Variants in ERICH3 observed in about 807,000 individuals in gnomAD.
The protein encoded by ERICH3 is glutamate rich 3, also known as glutamate-rich protein 3.
A neutral mutation model predicts 131.1 loss-of-function variants in ERICH3; 126 were observed. That is an observed-to-expected ratio of 0.96 (90% CI 0.83 to 1.11). The LOEUF (loss-of-function observed/expected upper bound fraction) is 1.11. Ranked by LOEUF, ERICH3 falls within the 50% of genes most tolerant of loss-of-function variation. ERICH3 has a pLI of 0.00. For missense variants in ERICH3, 2,050 were observed against 1,810.7 expected, an observed-to-expected ratio of 1.13 and a Z score of -2.40; for synonymous variants, 695 against 644.6, an observed-to-expected ratio of 1.08 and a Z score of -1.18.
At chr1:74,619,461 T>C (rs1649119394) in intron 8 of ERICH3, among the ~76,000 whole-genome samples, 1 of 152,234 alleles carries the variant, frequency 6.6e-6, no homozygotes, top group Non-Finnish European at 1.5e-5. Flanking sequence ...TAAGTGTATG[T>C]ATCTATGCCA....
intron 1 of ERICH3, among the ~76,000 whole-genome samples, chr1:74,664,759 A>C (rs1379363903): frequency 3.3e-5 from 5 of 152,184 alleles, no homozygotes; most frequent in African/African-American, 1.2e-4. Flanking sequence ...CACCAGCTTA[A>C]AATGTTGAAT....
Position 74,599,828 on chromosome 1 carries a change from C to T in ERICH3, c.1593G>A (p.Leu531=), listed in dbSNP as rs1648039024. 6.2e-7 allele frequency: 1 copy of T among 1,612,254 alleles called. No homozygotes were observed. The highest frequency in any genetic ancestry group is 1.1e-5 in the South Asian group (1 of 91,004). ...GGTCTAAATTATCTTTTTTATCATC[C>T]AAAGGTGACTGCGGTATTCCATTCA... ...VQMNGIPQSP[L]DDKKDNLDPE... is the part of the protein sequence containing the mutation. Residue 531 remains leucine, a synonymous_variant, in exon 11 of 15, where the codon TTG becomes TTA. Transcript: ENST00000326665.
intron 10 of ERICH3, among the ~76,000 whole-genome samples, chr1:74,600,737 AAAAACTAAAAATCTTGAAGTG>A (rs1281331112): frequency 6.6e-6 from 1 of 151,856 alleles, no homozygotes; most frequent in Non-Finnish European, 1.5e-5. Context: ...TTCTTCCACC[AAAAACTAAAAATCTTGAAGTG>A]ACAACATGCC....
intron 1 of ERICH3, among the ~76,000 whole-genome samples, chr1:74,667,650 T>C (rs984940051): frequency 6.6e-6 from 1 of 152,188 alleles, no homozygotes; most frequent in Non-Finnish European, 1.5e-5. Context: ...GAAGTTTTAT[T>C]TTCCCATCTC....
chr1:74,671,024 AAAT>A, intron 1 of ERICH3, among the ~76,000 whole-genome samples: 1 of 151,992 alleles, frequency 6.6e-6, no homozygotes, highest in Non-Finnish European at 1.5e-5. Context: ...GGGTGGGGGA[AAAT>A]CTCCGCCCTG....
chr1:74,607,607 G>T (rs1354477711), intron 9 of ERICH3, among the ~76,000 whole-genome samples: 7 of 151,862 alleles, frequency 4.6e-5, no homozygotes, highest in African/African-American at 1.7e-4. Flanking sequence ...CAGTCTTCTG[G>T]TGATTTTTGC....
At chr1:74,570,565 T>A (rs1646924798) in intron 14 of ERICH3, 126 bp from the exon 15 acceptor site, 1 of 152,288 alleles carries the variant, frequency 6.6e-6, no homozygotes, top group Admixed American at 6.5e-5. Context: ...AGTTTTTAGT[T>A]CGACTCTTCA....
chr1:74,632,425 AG>A (rs1646349029), intron 6 of ERICH3, among the ~76,000 whole-genome samples: 1 of 152,078 alleles, frequency 6.6e-6, no homozygotes, highest in Non-Finnish European at 1.5e-5. Context: ...ACATTTACAG[AG>A]GAAAAATTAA....
At chr1:74,672,996 G>A (rs1165379940) in intron 1 of ERICH3, among the ~76,000 whole-genome samples, 2 of 151,610 alleles carry the variant, frequency 1.3e-5, no homozygotes, top group South Asian at 2.1e-4. Flanking sequence ...TTTGAGATTG[G>A]GCAGAAAAAA....
chr1:74,617,077 C>T (rs1011204020), intron 8 of ERICH3, among the ~76,000 whole-genome samples: 1 of 151,284 alleles, frequency 6.6e-6, no homozygotes, highest in African/African-American at 2.4e-5. Context: ...ATTTTTTAAT[C>T]TGAGCAAAAC....
chr1:74,579,985 T>C, intron 12 of ERICH3: 1 of 721,048 alleles, frequency 1.4e-6, no homozygotes, highest in Non-Finnish European at 1.7e-6. Flanking sequence ...ATTCTTATTT[T>C]ACAATGTCAG....
Position 74,579,675 on chromosome 1 carries a change from G to A in ERICH3, c.2177-2739C>T, listed in dbSNP as rs951414079. ...ACTTAAAAGCAAGAACTTGGCTGGT[G>A]TCTAACCTCAACTGTTTTCCACCCA... On this transcript the variant is annotated intron_variant, in intron 12 of 14. Coordinates refer to ENST00000326665, the MANE Select transcript of ERICH3 (RefSeq NM_001002912.5). 7.1e-6 allele frequency: 7 copies of A among 985,272 alleles called. No individual in the cohort carries two copies. In the African/African-American group the frequency reaches 1.2e-4, roughly 17 times the overall value. The allele number at this position is 985,272 out of a possible 1,614,324, so 61.0% of individuals were successfully genotyped here.
chr1:74,599,879 A>C lies in ERICH3; in HGVS notation c.1542T>G (p.Asn514Lys). 6.2e-7 allele frequency: 1 copy of C among 1,612,058 alleles called. No individual in the cohort carries two copies. The highest frequency in any genetic ancestry group is 2.2e-5 in the East Asian group (1 of 44,816). ...TTTGAACATCAGCCTGTCCTTCTTC[A>C]TTAGATTTTTCACCTTGTTTCTCCT... The part of the protein sequence containing the change: ...VDEEKQGEKS[N>K]EEGQADVQMN... Residue 514 changes from asparagine (N) to lysine (K), a missense_variant, in exon 11 of 15, where the codon AAT (asparagine) becomes AAG (lysine). By Grantham distance (94) the Asn-to-Lys change is moderately conservative. Coordinates refer to ENST00000326665, the MANE Select transcript of ERICH3 (RefSeq NM_001002912.5).
intron 5 of ERICH3, 69 bp from the exon 6 acceptor site, chr1:74,636,507 C>A (rs1451760821): frequency 2.8e-6 from 4 of 1,431,612 alleles, no homozygotes; most frequent in Non-Finnish European, 3.8e-6. Context: ...CAATTAATAA[C>A]CCAATAAATT....
chr1:74,643,243 C>T, intron 3 of ERICH3, 145 bp from the exon 4 acceptor site: 1 of 581,516 alleles, frequency 1.7e-6, no homozygotes, highest in Non-Finnish European at 3.0e-6. Flanking sequence ...CATCAGTGCA[C>T]AAGTGGGAAT....
intron 8 of ERICH3, among the ~76,000 whole-genome samples, chr1:74,618,981 A>G (rs1570878915): frequency 6.6e-6 from 1 of 152,198 alleles, no homozygotes; most frequent in Non-Finnish European, 1.5e-5. Context: ...AATTGCTAAG[A>G]TTGCTGAACC....
chr1:74,610,165 G>A (rs2100593495), intron 9 of ERICH3, among the ~76,000 whole-genome samples: 1 of 151,898 alleles, frequency 6.6e-6, no homozygotes, highest in African/African-American at 2.4e-5. Context: ...AGTTCAGGTG[G>A]CCCCTAAGTA....
At chr1:74,654,544 C>T (rs1646566686) in intron 1 of ERICH3, among the ~76,000 whole-genome samples, 1 of 151,988 alleles carries the variant, frequency 6.6e-6, no homozygotes, top group African/African-American at 2.4e-5. Flanking sequence ...GAAGAAGACC[C>T]TCTCCCTTGT....
At position 74,569,189 on chromosome 1, in the gene ERICH3, T is replaced by A. The variant is rs1646907142; in HGVS notation, c.*1269A>T. The A allele has an allele frequency of 6.6e-6, 1 of 152,196 alleles. No homozygotes were observed. The highest frequency in any genetic ancestry group is 2.1e-4 in the South Asian group (1 of 4,814). 9.4% of individuals were successfully genotyped at this position (152,196 alleles called of 1,614,324 possible). On this transcript the variant is annotated 3_prime_UTR_variant, in exon 15 of 15. Coordinates refer to ENST00000326665, the MANE Select transcript of ERICH3 (RefSeq NM_001002912.5). ...GAAGAATCAAGTGAAAAGTTAAAAA[T>A]ATATATATACTGATGTGTAGATCCA...
Sources: gnomAD v4.1 joint callset for allele counts (sites outside exome capture counted in the v4.1 genomes callset) on GRCh38, gnomAD v4.1.1 for gene constraint, MANE v1.5 for transcripts, NCBI Gene and HGNC (gene_info 2026-07-23, HGNC 2026-07-21) for gene names.